The following ZC3H3 variants were observed in gnomAD, a reference collection of about 807,000 sequenced individuals.
The protein encoded by ZC3H3 is zinc finger CCCH-type containing 3.
ZC3H3 carries 36 observed loss-of-function variants against 77.3 expected under a neutral mutation model. The observed-to-expected ratio is 0.47, with a 90% CI of 0.36 to 0.61. The LOEUF (loss-of-function observed/expected upper bound fraction) is 0.61. Among genes scored for constraint, ZC3H3 ranks in the 20% least tolerant of loss-of-function variants. The pLI, the probability that ZC3H3 is intolerant of heterozygous loss-of-function variation, is 0.00. For missense variants in ZC3H3, 1,331 were observed against 1,312.2 expected (o/e 1.01, Z -0.22); for synonymous variants, 626 against 555.2 (o/e 1.13, Z -1.79).
intron 3 of ZC3H3, among the ~76,000 whole-genome samples, chr8:143,529,563 C>G (rs1052028413): frequency 6.6e-6 from 1 of 152,214 alleles, no homozygotes; most frequent in Non-Finnish European, 1.5e-5. Flanking sequence ...ACCGAGAAGT[C>G]AGGAGGCAGC....
chr8:143,537,901 C>T (rs896214477), intron 2 of ZC3H3, 102 bp downstream of exon 2: 13 of 1,197,176 alleles, frequency 1.1e-5, no homozygotes, highest in Non-Finnish European at 1.5e-5. Context: ...AATGTGAACG[C>T]AACTGCAGGC....
At chr8:143,489,072 C>G (rs748716281) in intron 4 of ZC3H3, among the ~76,000 whole-genome samples, 1 of 152,198 alleles carries the variant, frequency 6.6e-6, no homozygotes, top group Non-Finnish European at 1.5e-5. Flanking sequence ...CAGATGAAGG[C>G]GCTTCTCTGG....
intron 8 of ZC3H3, among the ~76,000 whole-genome samples, chr8:143,467,777 G>A (rs1187920653): frequency 1.2e-4 from 9 of 78,042 alleles, no homozygotes; most frequent in African/African-American, 2.4e-4. Flanking sequence ...CCTCCCTCCC[G>A]CCCTCTGCCC....
At chr8:143,519,548 G>C (rs979466847) in intron 3 of ZC3H3, among the ~76,000 whole-genome samples, 1 of 152,186 alleles carries the variant, frequency 6.6e-6, no homozygotes, top group Non-Finnish European at 1.5e-5. Context: ...CAGGCTGCCC[G>C]GAGGCAAGCC....
At chr8:143,477,683 C>G (rs190903500) in intron 4 of ZC3H3, among the ~76,000 whole-genome samples, 1 of 152,192 alleles carries the variant, frequency 6.6e-6, no homozygotes, top group Non-Finnish European at 1.5e-5. Flanking sequence ...TCTGACCTTC[C>G]ACAGGAGCTA....
chr8:143,526,150 G>A (rs1822404828), intron 3 of ZC3H3, among the ~76,000 whole-genome samples: 1 of 152,266 alleles, frequency 6.6e-6, no homozygotes, highest in African/African-American at 2.4e-5. Context: ...TGGGGGTCCA[G>A]TGGGAGAACC....
chr8:143,500,449 C>A (rs529906420), intron 4 of ZC3H3, among the ~76,000 whole-genome samples: 1 of 152,370 alleles, frequency 6.6e-6, no homozygotes, highest in East Asian at 1.9e-4. Context: ...CTGCACACTG[C>A]CAGGATGAGG....
In ZC3H3 at chr8:143,465,810, G is replaced by A. The variant is rs1820393470; in HGVS notation, c.2214C>T (p.Ser738=). The A allele has an allele frequency of 1.2e-6, 2 of 1,613,432 alleles. No homozygotes were observed. Among genetic ancestry groups the A allele is most frequent in the East Asian group, 4.5e-5 (2 of 44,888 alleles). ...VCSYFLKGIC[S]NSNCPYSHVY... ...CGTGGCTATAGGGACAGTTGCTGTT[G>A]CTGCAGATGCCCTTCAGGAAGTAGG... The change falls in exon 9 of 12, where the codon AGC becomes AGT. Residue 738 remains serine, a synonymous_variant. Transcript: ENST00000262577.
chr8:143,471,341 G>A (rs1228501898), intron 5 of ZC3H3, among the ~76,000 whole-genome samples: 4 of 152,246 alleles, frequency 2.6e-5, no homozygotes, highest in African/African-American at 9.6e-5. Flanking sequence ...GCGGGGGCAA[G>A]CCGACAGGGC....
At chr8:143,476,859 C>T (rs1408325509) in intron 4 of ZC3H3, among the ~76,000 whole-genome samples, 2 of 152,256 alleles carry the variant, frequency 1.3e-5, no homozygotes, top group South Asian at 4.1e-4. Flanking sequence ...CCTGAGCCCC[C>T]CAACCCATCC....
rs534961149 is a variant in ZC3H3 at position 143,491,406 on chromosome 8, T to C, written c.1716-15821A>G. ...AGCATCTCACCAGGGAGCTCCTGCA[T>C]CCTGTCCCAAGGGCTTGCCCATAAC... On this transcript the variant is annotated intron_variant, in intron 4 of 11. Transcript: ENST00000262577. 2.2e-4 allele frequency among the ~76,000 whole-genome samples: 34 copies of C among 152,338 alleles called. 1 individual carries two copies. The South Asian group carries it at 7.0e-3, about 32-fold the overall frequency.
At position 143,541,248 on chromosome 8, in the gene ZC3H3, G is replaced by A. The variant is rs1297431325; in HGVS notation, c.46+128C>T. The A allele has an allele frequency of 1.3e-5, 20 of 1,516,166 alleles. No homozygotes were observed. In the Admixed American group the frequency reaches 2.7e-4, roughly 20 times the overall value. The allele number at this position is 1,516,166 out of a possible 1,614,324, so 93.9% of individuals were successfully genotyped here. On this transcript the variant is annotated intron_variant, in intron 1 of 11. Coordinates refer to ENST00000262577, the MANE Select transcript of ZC3H3 (RefSeq NM_015117.3). ...CCCACAAGTCCTGGCGGACCCTACC[G>A]TCCCCCACCCCAGCCGCCACCCAGA...
rs1032108683 is a variant in ZC3H3, at chr8:143,440,191, C to T, written c.2665G>A (p.Glu889Lys). 8.7e-6 allele frequency: 14 copies of T among 1,611,550 alleles called. No homozygotes were observed. Among genetic ancestry groups the T allele is most frequent in the East Asian group, 6.7e-5 (3 of 44,860 alleles). The change falls in exon 11 of 12, where the codon GAG (glutamate) becomes AAG (lysine). Residue 889 changes from glutamate to lysine, a missense_variant. Coordinates refer to ENST00000262577, the MANE Select transcript of ZC3H3 (RefSeq NM_015117.3). ...GCAGCCTCCTGGAGAGATGGTGCCT[C>T]GTGGTCCAAGGAAGCGGGAGGGGAT... ...SSSPPASLDH[E>K]APSLQEAALA...
chr8:143,505,968 G>C (rs930053648), intron 4 of ZC3H3, among the ~76,000 whole-genome samples: 4 of 152,242 alleles, frequency 2.6e-5, no homozygotes, highest in African/African-American at 9.6e-5. Flanking sequence ...GAAGGACAGG[G>C]AACTTGGAGG....
rs556327876 is a variant in ZC3H3, at chr8:143,515,228, T to C, written c.1562-7329A>G. Among the ~76,000 whole-genome samples the C allele has an allele frequency of 7.9e-5, 12 of 152,350 alleles. 1 individual carries two copies. The South Asian group carries it at 2.3e-3, about 29-fold the overall frequency. On this transcript the variant is annotated intron_variant, in intron 3 of 11. Coordinates refer to ENST00000262577, the MANE Select transcript of ZC3H3 (RefSeq NM_015117.3). Reference sequence around the variant, plus strand: ...CACATGGGCAGTTCCCAGCTGCTTTTCTCATCTAGACACCGAGCAGGGCAG... The same window carrying C: ...CACATGGGCAGTTCCCAGCTGCTTTCCTCATCTAGACACCGAGCAGGGCAG...
intron 9 of ZC3H3, among the ~76,000 whole-genome samples, chr8:143,464,079 T>G (rs922499475): frequency 6.6e-6 from 1 of 152,268 alleles, no homozygotes; most frequent in African/African-American, 2.4e-5. Context: ...TTTCACATTA[T>G]TTAGAGAATA....
At chr8:143,498,870 TACAGG>T (rs1821437161) in intron 4 of ZC3H3, among the ~76,000 whole-genome samples, 1 of 28,566 alleles carries the variant, frequency 3.5e-5, no homozygotes, top group Non-Finnish European at 6.0e-5. Flanking sequence ...GGGCAGGGGG[TACAGG>T]GCGGGGCGGA....
At chr8:143,532,196 T>C (rs1348785606) in intron 3 of ZC3H3, among the ~76,000 whole-genome samples, 1 of 151,212 alleles carries the variant, frequency 6.6e-6, no homozygotes, top group Non-Finnish European at 1.5e-5. Context: ...TTACTTGGTA[T>C]CTGCTTTCTT....
chr8:143,538,198 G>C lies in ZC3H3; in HGVS notation c.1169C>G (p.Ser390Cys), dbSNP rs780561068. The part of the protein sequence containing the change: ...KASSPSASSS[S>C]SFRWQSEASS... Reference sequence around the variant, plus strand: ...GGCCTCCGACTGCCAACGGAAGGAGGAAGAGGAGGAGGCAGAGGGGCTGGA... The same window carrying C: ...GGCCTCCGACTGCCAACGGAAGGAGCAAGAGGAGGAGGCAGAGGGGCTGGA... Residue 390 changes from serine (S) to cysteine (C), a missense_variant, in exon 2 of 12, where the codon TCC (serine) becomes TGC (cysteine). This residue lies in a region of ZC3H3 where 978 missense variants were observed against 915.5 expected (regional missense o/e 1.07). Coordinates refer to ENST00000262577, the MANE Select transcript of ZC3H3 (RefSeq NM_015117.3). 1 of 1,612,964 alleles carries C rather than the reference G, an allele frequency of 6.2e-7. No individual in the cohort carries two copies. Among genetic ancestry groups the C allele is most frequent in the South Asian group, 1.1e-5 (1 of 91,088 alleles).
Sources: allele counts gnomAD v4.1 joint callset (sites outside exome capture counted in the v4.1 genomes callset), GRCh38; gene constraint gnomAD v4.1.1; regional missense constraint gnomAD v4.1.1; transcripts MANE v1.5; gene names NCBI Gene and HGNC (gene_info 2026-07-23, HGNC 2026-07-21).